MYO1D: variants seen among roughly 807,000 people sequenced by gnomAD.
The protein encoded by MYO1D is myosin ID.
A neutral mutation model predicts 122.0 loss-of-function variants in MYO1D; 83 were observed. The ratio of observed to expected loss-of-function variants is 0.68; its 90% CI spans 0.57 to 0.82. The LOEUF (loss-of-function observed/expected upper bound fraction) is 0.82, where lower values mean the gene tolerates loss of function less well. Among genes scored for constraint, MYO1D ranks in the 40% least tolerant of loss-of-function variants. The pLI is 0.00. For synonymous variants in MYO1D, 464 were observed against 446.9 expected (o/e 1.04, Z -0.48); for missense variants, 1,157 against 1,269.5 (o/e 0.91, Z 1.35).
At chr17:32,840,140 G>A (rs2090866267) in intron 1 of MYO1D, among the ~76,000 whole-genome samples, 1 of 152,064 alleles carries the variant, frequency 6.6e-6, no homozygotes, top group Admixed American at 6.6e-5. Flanking sequence ...ATCCTCCTGG[G>A]GTTCATATAC....
At chr17:32,601,337 T>C (rs1437957750) in intron 21 of MYO1D, among the ~76,000 whole-genome samples, 2 of 152,134 alleles carry the variant, frequency 1.3e-5, no homozygotes, top group Non-Finnish European at 2.9e-5. Flanking sequence ...ATTTCAATCT[T>C]GTTGTATCTC....
chr17:32,566,851 A>G (rs1055723090), intron 21 of MYO1D, among the ~76,000 whole-genome samples: 1 of 59,802 alleles, frequency 1.7e-5, no homozygotes, highest in African/African-American at 7.6e-5. Context: ...TTTTAACCAA[A>G]TCAGGCAGGC....
chr17:32,610,352 C>T (rs2087685022), intron 20 of MYO1D, among the ~76,000 whole-genome samples: 1 of 152,152 alleles, frequency 6.6e-6, no homozygotes, highest in Admixed American at 6.5e-5. Context: ...GTGTCAGTCT[C>T]AGAAGAAATG....
chr17:32,526,765 G>A (rs1003195184), intron 21 of MYO1D, among the ~76,000 whole-genome samples: 2 of 152,152 alleles, frequency 1.3e-5, no homozygotes, highest in Non-Finnish European at 1.5e-5. Context: ...CAGTTCTCCC[G>A]CTTCAGCTTC....
intron 20 of MYO1D, among the ~76,000 whole-genome samples, chr17:32,615,789 C>A (rs922508045): frequency 1.3e-5 from 2 of 152,188 alleles, no homozygotes; most frequent in African/African-American, 4.8e-5. Flanking sequence ...ATCCGATAAA[C>A]AACAGGGCTC....
chr17:32,862,085 G>A (rs757277781), intron 1 of MYO1D, among the ~76,000 whole-genome samples: 9 of 151,912 alleles, frequency 5.9e-5, no homozygotes, highest in South Asian at 2.1e-4. Flanking sequence ...TTGTTCCCCC[G>A]CTCCCCACCT....
chr17:32,684,510 G>A (rs888757896), intron 16 of MYO1D, among the ~76,000 whole-genome samples: 1 of 152,090 alleles, frequency 6.6e-6, no homozygotes, highest in Admixed American at 6.5e-5. Context: ...GGCTTGAATA[G>A]ACTAAATATC....
chr17:32,693,800 G>C (rs1164441074), intron 16 of MYO1D, among the ~76,000 whole-genome samples: 5 of 152,126 alleles, frequency 3.3e-5, no homozygotes, highest in Non-Finnish European at 7.4e-5. Context: ...AATTATTTTT[G>C]ACATGTCACC....
chr17:32,745,063 T>C (rs1440153009), intron 13 of MYO1D, 148 bp downstream of exon 13: 2 of 566,884 alleles, frequency 3.5e-6, no homozygotes, highest in Non-Finnish European at 6.3e-6. Context: ...ATCATCAAGT[T>C]AGTTATATGC....
At chr17:32,722,834 A>G (rs188847599) in intron 14 of MYO1D, among the ~76,000 whole-genome samples, 12 of 152,158 alleles carry the variant, frequency 7.9e-5, no homozygotes, top group Non-Finnish European at 1.3e-4. Context: ...CAGTGACAGG[A>G]GTGTCTTAGT....
intron 19 of MYO1D, among the ~76,000 whole-genome samples, chr17:32,652,625 GGTT>G (rs2088407620): frequency 6.6e-6 from 1 of 151,402 alleles, no homozygotes; most frequent in Non-Finnish European, 1.5e-5. Flanking sequence ...AGTATTTTAA[GGTT>G]TTTTTTTTAA....
chr17:32,831,083 C>T (rs1598137834), intron 1 of MYO1D, among the ~76,000 whole-genome samples: 1 of 151,810 alleles, frequency 6.6e-6, no homozygotes, highest in East Asian at 1.9e-4. Context: ...GACATGAGTG[C>T]AAAAAGCAGG....
At position 32,653,959 on chromosome 17, in the gene MYO1D, A is replaced by C; in HGVS notation, c.2491-12T>G. The C allele has an allele frequency of 3.8e-6, 6 of 1,599,026 alleles. No homozygotes were observed. The highest frequency in any genetic ancestry group is 5.1e-6 in the Non-Finnish European group (6 of 1,168,090). ...GGTGTATCTGGCTTCTGAAAGAGAA[A>C]GGAAACAAGACAAAATGAGTATGCT... On this transcript the variant is annotated splice_polypyrimidine_tract_variant and intron_variant, in intron 18 of 21. Coordinates refer to ENST00000318217, the MANE Select transcript of MYO1D (RefSeq NM_015194.3).
chr17:32,799,664 C>CCAAAAAAAAAAAAGAGCAAAACCAGA, intron 1 of MYO1D, among the ~76,000 whole-genome samples: 1 of 147,054 alleles, frequency 6.8e-6, no homozygotes, highest in South Asian at 2.1e-4. Flanking sequence ...AAGAGCAAAA[C>CCAAAAAAAAAAAAGAGCAAAACCAGA]CAAAAAAAAA....
chr17:32,843,062 G>T (rs1450127993), intron 1 of MYO1D, among the ~76,000 whole-genome samples: 1 of 151,784 alleles, frequency 6.6e-6, no homozygotes, highest in African/African-American at 2.4e-5. Context: ...GCTAATTTTT[G>T]TATTTTTAGT....
At chr17:32,789,534 A>G (rs2151035126) in intron 1 of MYO1D, among the ~76,000 whole-genome samples, 1 of 152,332 alleles carries the variant, frequency 6.6e-6, no homozygotes, top group South Asian at 2.1e-4. Context: ...ACACATCATT[A>G]CTGTCATAAG....
In MYO1D at chr17:32,765,904, T is replaced by C. The variant is rs536731307; in HGVS notation, c.832-823A>G. 2.4e-4 allele frequency among the ~76,000 whole-genome samples: 36 copies of C among 152,010 alleles called. No individual in the cohort carries two copies. The East Asian group carries it at 6.6e-3, about 28-fold the overall frequency. On this transcript the variant is annotated intron_variant, in intron 7 of 21. Transcript: ENST00000318217. ...TTTCTGATTTGAAATGTCACCTTTT[T>C]TTTGAGACAGGGTCTGTCACCCAGG...
intron 21 of MYO1D, among the ~76,000 whole-genome samples, chr17:32,593,702 T>G (rs188506776): frequency 3.3e-5 from 5 of 152,216 alleles, no homozygotes; most frequent in African/African-American, 4.8e-5. Context: ...CTTTGGGAAG[T>G]TGAGGCGGGA....
intron 16 of MYO1D, among the ~76,000 whole-genome samples, chr17:32,673,654 G>T (rs1458943221): frequency 2.6e-5 from 4 of 152,212 alleles, no homozygotes; most frequent in Non-Finnish European, 5.9e-5. Flanking sequence ...CCAGCTACTT[G>T]AGAGGCTGAG....
Sources: gnomAD v4.1 joint callset for allele counts (sites outside exome capture counted in the v4.1 genomes callset) on GRCh38, gnomAD v4.1.1 for gene constraint, MANE v1.5 for transcripts, NCBI Gene and HGNC (gene_info 2026-07-23, HGNC 2026-07-21) for gene names.